Variants in CALN1 observed in about 807,000 individuals in gnomAD.
CALN1 encodes calneuron 1, also known as calcium-binding protein 8.
CALN1 carries 17 observed loss-of-function variants against 30.6 expected under a neutral mutation model. The ratio of observed to expected loss-of-function variants is 0.56; its 90% CI spans 0.38 to 0.83. The LOEUF (loss-of-function observed/expected upper bound fraction) is 0.83. Among genes scored for constraint, CALN1 ranks in the 40% least tolerant of loss-of-function variants. CALN1 has a pLI of 0.00. For missense variants in CALN1, 291 were observed against 354.9 expected (o/e 0.82, Z 1.45); for synonymous variants, 156 against 131.4 (o/e 1.19, Z -1.28).
At chr7:71,917,563 C>G (rs1397094485) in intron 5 of CALN1, among the ~76,000 whole-genome samples, 2 of 152,114 alleles carry the variant, frequency 1.3e-5, no homozygotes, top group Admixed American at 1.3e-4. Context: ...GTTTAATTGA[C>G]TCACAGTTCT....
In CALN1 at chr7:71,895,340, C is replaced by T. The variant is rs540023889; in HGVS notation, c.502-84848G>A. Among the ~76,000 whole-genome samples, 10 of 151,336 alleles carry T rather than the reference C, an allele frequency of 6.6e-5. No homozygotes were observed. The East Asian group carries it at 1.8e-3, about 27-fold the overall frequency. ...TTTCTTTTTTTTTGAGACAGAGTCT[C>T]GCTCTGTTGCTCAGGCTGGAGTGCA... On this transcript the variant is annotated intron_variant, in intron 5 of 6. Coordinates refer to ENST00000395275, the MANE Select transcript of CALN1 (RefSeq NM_031468.4).
intron 3 of CALN1, among the ~76,000 whole-genome samples, chr7:72,213,287 G>T (rs1439853621): frequency 6.6e-6 from 1 of 152,238 alleles, no homozygotes; most frequent in East Asian, 1.9e-4. Context: ...ACAGGAAGTG[G>T]CAGTTCTTGG....
At chr7:72,204,952 A>C (rs987861903) in intron 3 of CALN1, among the ~76,000 whole-genome samples, 4 of 152,216 alleles carry the variant, frequency 2.6e-5, no homozygotes, top group African/African-American at 9.6e-5. Context: ...CTACAATTTT[A>C]TAATCCCAAC....
chr7:72,199,369 A>G (rs1791255753), intron 3 of CALN1, among the ~76,000 whole-genome samples: 1 of 152,194 alleles, frequency 6.6e-6, no homozygotes, highest in Non-Finnish European at 1.5e-5. Flanking sequence ...ACAGAACCTC[A>G]GCTCTCTCTC....
At chr7:71,791,780 C>T (rs372258620) in intron 6 of CALN1, among the ~76,000 whole-genome samples, 28 of 152,250 alleles carry the variant, frequency 1.8e-4, no homozygotes, top group African/African-American at 5.1e-4. Flanking sequence ...GAGGCCGAGG[C>T]GGGCGGATCA....
At chr7:71,883,784 C>T (rs189931301) in intron 5 of CALN1, among the ~76,000 whole-genome samples, 53 of 152,266 alleles carry the variant, frequency 3.5e-4, no homozygotes, top group African/African-American at 7.2e-4. Flanking sequence ...GGTATATAAT[C>T]GCTGGGTCTT....
intron 5 of CALN1, among the ~76,000 whole-genome samples, chr7:71,912,957 T>C (rs1028232525): frequency 6.6e-6 from 1 of 152,190 alleles, no homozygotes; most frequent in Non-Finnish European, 1.5e-5. Flanking sequence ...CCAGAATTCC[T>C]TGGAGGAGAA....
chr7:71,864,439 G>A (rs1248176185), intron 5 of CALN1, among the ~76,000 whole-genome samples: 1 of 152,192 alleles, frequency 6.6e-6, no homozygotes, highest in African/African-American at 2.4e-5. Flanking sequence ...GCTAAGAGTA[G>A]TTCCTGGCCC....
intron 5 of CALN1, among the ~76,000 whole-genome samples, chr7:71,958,439 C>T (rs546862376): frequency 3.4e-4 from 52 of 152,242 alleles, no homozygotes; most frequent in African/African-American, 1.2e-3. Flanking sequence ...TCAGGGAGGC[C>T]CCTTTGTGTA....
intron 4 of CALN1, among the ~76,000 whole-genome samples, chr7:72,077,959 G>A (rs906595066): frequency 2.0e-5 from 3 of 152,168 alleles, no homozygotes; most frequent in Non-Finnish European, 4.4e-5. Flanking sequence ...GCTGAGAGAG[G>A]AGCACAAGGC....
chr7:72,354,487 G>A (rs998878354), intron 2 of CALN1, among the ~76,000 whole-genome samples: 1 of 152,090 alleles, frequency 6.6e-6, no homozygotes, highest in Admixed American at 6.6e-5. Flanking sequence ...ACATAGAATA[G>A]CCAAAACCAT....
intron 3 of CALN1, among the ~76,000 whole-genome samples, chr7:72,122,873 C>G (rs1037058943): frequency 6.6e-6 from 1 of 152,136 alleles, no homozygotes; most frequent in Admixed American, 6.5e-5. Flanking sequence ...GTATAAATAG[C>G]AACAAGACAT....
At chr7:71,888,932 T>C (rs1417340562) in intron 5 of CALN1, among the ~76,000 whole-genome samples, 2 of 152,168 alleles carry the variant, frequency 1.3e-5, no homozygotes, top group Non-Finnish European at 2.9e-5. Flanking sequence ...TCCCTTTTGT[T>C]CACAATGTAG....
intron 3 of CALN1, among the ~76,000 whole-genome samples, chr7:72,133,740 CCTACATATCACCTG>C (rs1200936199): frequency 6.6e-6 from 1 of 152,138 alleles, no homozygotes; most frequent in Non-Finnish European, 1.5e-5. Flanking sequence ...TCAAATCACC[CCTACATATCACCTG>C]ATTAGGTTCC....
rs1414624230 is a variant in CALN1 at position 72,001,618 on chromosome 7, C to T, written c.501+22039G>A. On this transcript the variant is annotated intron_variant, in intron 5 of 6. Coordinates refer to ENST00000395275, the MANE Select transcript of CALN1 (RefSeq NM_031468.4). ...CGCACTTGATAGCTCACACTGCCCA[C>T]TTGGCCTTCTTCCAAGTGGACTTTA... Among the ~76,000 whole-genome samples the T allele has an allele frequency of 2.6e-5, 4 of 152,220 alleles. No homozygotes were observed. The East Asian group carries it at 7.7e-4, about 29-fold the overall frequency.
chr7:71,859,406 T>A (rs1471915054), intron 5 of CALN1, among the ~76,000 whole-genome samples: 2 of 152,224 alleles, frequency 1.3e-5, no homozygotes. Flanking sequence ...TAAGCCACTC[T>A]TCATGTTGAT....
rs766372397 is a variant in CALN1 at position 72,098,035 on chromosome 7, C to T, written c.388+8116G>A. On this transcript the variant is annotated intron_variant, in intron 4 of 6. Transcript: ENST00000395275. ...GGCCTTTAAGTGACTATTTTGTCAA[C>T]GAATCCAAGGATGATACAGAACTAA... Among the ~76,000 whole-genome samples, 19 of 152,070 alleles carry T rather than the reference C, an allele frequency of 1.2e-4. 1 individual carries two copies. The highest frequency in any genetic ancestry group is 2.2e-4 in the Non-Finnish European group (15 of 68,032).
At chr7:72,384,587 T>C (rs1179081164) in intron 2 of CALN1, among the ~76,000 whole-genome samples, 1 of 151,994 alleles carries the variant, frequency 6.6e-6, no homozygotes, top group African/African-American at 2.4e-5. Context: ...TATGCTATGT[T>C]GCATGTGTGA....
chr7:72,119,395 C>G (rs1378359445), intron 3 of CALN1, among the ~76,000 whole-genome samples: 1 of 152,086 alleles, frequency 6.6e-6, no homozygotes, highest in Non-Finnish European at 1.5e-5. Context: ...CAGGAAAGAC[C>G]TGACCCCATA....
Sources: allele counts gnomAD v4.1 joint callset (sites outside exome capture counted in the v4.1 genomes callset), GRCh38; gene constraint gnomAD v4.1.1; transcripts MANE v1.5; gene names NCBI Gene and HGNC (gene_info 2026-07-23, HGNC 2026-07-21).